GGACT: variants seen among roughly 807,000 people sequenced by gnomAD.
GGACT encodes gamma-glutamylaminecyclotransferase.
For missense variants in GGACT, 241 were observed against 233.2 expected (o/e 1.03, Z -0.22); for synonymous variants, 118 against 115.3 (o/e 1.02, Z -0.15).
At chr13:100,583,322 A>G (rs1200042259) in intron 2 of GGACT, among the ~76,000 whole-genome samples, 1 of 152,250 alleles carries the variant, frequency 6.6e-6, no homozygotes, top group East Asian at 1.9e-4. Flanking sequence ...TTAAGTACAT[A>G]AAATTAAAAT....
intron 2 of GGACT, chr13:100,539,592 G>C (rs1250951503): frequency 1.8e-5 from 7 of 397,938 alleles, no homozygotes; most frequent in Non-Finnish European, 3.1e-5. Context: ...ATGTGTTGTT[G>C]AATTCTGTTT....
intron 1 of GGACT, among the ~76,000 whole-genome samples, chr13:100,586,144 A>G (rs1875567010): frequency 6.6e-6 from 1 of 152,170 alleles, no homozygotes. Flanking sequence ...CAATTTCATC[A>G]GGAGGTGATA....
chr13:100,569,156 A>T (rs1379374365), intron 2 of GGACT, among the ~76,000 whole-genome samples: 1 of 152,092 alleles, frequency 6.6e-6, no homozygotes, highest in Non-Finnish European at 1.5e-5. Flanking sequence ...AGTGTGAAGG[A>T]CCCTTTTCCC....
intron 2 of GGACT, among the ~76,000 whole-genome samples, chr13:100,557,773 A>C (rs2088722227): frequency 6.6e-6 from 1 of 152,220 alleles, no homozygotes; most frequent in Non-Finnish European, 1.5e-5. Context: ...GTAAATGAAA[A>C]GGCAAATGTA....
At chr13:100,550,299 T>TACACACACACACAC (rs755235689) in intron 2 of GGACT, among the ~76,000 whole-genome samples, 2 of 27,268 alleles carry the variant, frequency 7.3e-5, no homozygotes, top group Non-Finnish European at 1.3e-4. Context: ...GATTATACTC[T>TACACACACACACAC]ACACACACAC....
intron 2 of GGACT, 86 bp from the exon 3 acceptor site, chr13:100,532,687 T>C (rs1455541715): frequency 9.2e-7 from 1 of 1,083,926 alleles, no homozygotes. Flanking sequence ...CCACAGAGCC[T>C]CCACTGGGGC....
At chr13:100,533,123 C>A (rs965482568) in intron 2 of GGACT, among the ~76,000 whole-genome samples, 2 of 152,248 alleles carry the variant, frequency 1.3e-5, no homozygotes, top group African/African-American at 4.8e-5. Flanking sequence ...CGCAGCCTCC[C>A]CGACTCCCTG....
At chr13:100,584,343 G>C (rs1425452017) in intron 1 of GGACT, among the ~76,000 whole-genome samples, 1 of 152,148 alleles carries the variant, frequency 6.6e-6, no homozygotes, top group African/African-American at 2.4e-5. Flanking sequence ...TGCAGCCGGA[G>C]GTCGTTATGT....
chr13:100,561,509 C>A (rs2088759708), intron 2 of GGACT, among the ~76,000 whole-genome samples: 1 of 151,342 alleles, frequency 6.6e-6, no homozygotes, highest in Admixed American at 6.6e-5. Context: ...TGTCTTCCCA[C>A]AGAAGGCTTT....
chr13:100,581,669 A>T (rs1875421247), intron 2 of GGACT, among the ~76,000 whole-genome samples: 1 of 152,228 alleles, frequency 6.6e-6, no homozygotes, highest in Non-Finnish European at 1.5e-5. Flanking sequence ...CAGGCTGCTC[A>T]CTGTGACTTC....
chr13:100,559,298 C>A (rs185466885), intron 2 of GGACT, among the ~76,000 whole-genome samples: 1 of 152,004 alleles, frequency 6.6e-6, no homozygotes, highest in East Asian at 2.0e-4. Context: ...AGCGATTCTC[C>A]TGCCTCAGCC....
chr13:100,564,262 G>A (rs896854091), intron 2 of GGACT, among the ~76,000 whole-genome samples: 1 of 152,202 alleles, frequency 6.6e-6, no homozygotes, highest in African/African-American at 2.4e-5. Flanking sequence ...GTTTTACAGT[G>A]ATGCTCTCGA....
At chr13:100,584,600 C>T (rs1875511288) in intron 1 of GGACT, among the ~76,000 whole-genome samples, 2 of 151,932 alleles carry the variant, frequency 1.3e-5, no homozygotes, top group African/African-American at 4.8e-5. Flanking sequence ...AATAATGTAA[C>T]TATACATTTA....
rs374853924 is a variant in GGACT at position 100,534,724 on chromosome 13, C to T, written c.-10-2123G>A. On this transcript the variant is annotated intron_variant, in intron 2 of 2. Transcript: ENST00000683975. This position sits in a 1 kb window ranked among gnomAD's most constrained non-coding sequence, Gnocchi z 4.9. ...AGACCCATCAGCACTTCCCCTGCCA[C>T]GTCTCCCAACCTGCTCTCCTCCTCC... Among the ~76,000 whole-genome samples, 3 of 152,288 alleles carry T rather than the reference C, an allele frequency of 2.0e-5. No individual in the cohort carries two copies. Among genetic ancestry groups the T allele is most frequent in the Non-Finnish European group, 2.9e-5 (2 of 68,020 alleles).
chr13:100,547,644 A>G (rs1324184670), intron 2 of GGACT, among the ~76,000 whole-genome samples: 2 of 152,356 alleles, frequency 1.3e-5, no homozygotes, highest in East Asian at 3.9e-4. Context: ...ACAAGTACCC[A>G]AGTCTGTCCA....
chr13:100,532,529 C>T lies in GGACT; in HGVS notation c.63G>A (p.Arg21=). 6.5e-7 allele frequency: 1 copy of T among 1,548,112 alleles called. No homozygotes were observed. The highest frequency in any genetic ancestry group is 8.7e-7 in the Non-Finnish European group (1 of 1,145,670). ...KRGQPNHRVL[R]DGAHGSAAFR... ...AGGCTGCGGAGCCGTGGGCGCCGTCCCGCAGGACCCTGTGGTTGGGCTGAC... is the reference window on the plus strand; with the variant it reads ...AGGCTGCGGAGCCGTGGGCGCCGTCTCGCAGGACCCTGTGGTTGGGCTGAC... The change falls in exon 3 of 3, where the codon CGG becomes CGA. Residue 21 remains arginine, a synonymous_variant. Coordinates refer to ENST00000683975, the MANE Select transcript of GGACT (RefSeq NM_001195087.2).
intron 2 of GGACT, among the ~76,000 whole-genome samples, chr13:100,582,252 T>G (rs1294580645): frequency 6.6e-6 from 1 of 152,180 alleles, no homozygotes; most frequent in African/African-American, 2.4e-5. Context: ...TAACTTCCTC[T>G]TACTGTTGGG....
chr13:100,581,219 C>T (rs1875407843), intron 2 of GGACT, among the ~76,000 whole-genome samples: 1 of 152,202 alleles, frequency 6.6e-6, no homozygotes, highest in South Asian at 2.1e-4. Context: ...AATGAGCACA[C>T]CAGCATCCAG....
intron 2 of GGACT, among the ~76,000 whole-genome samples, chr13:100,535,529 G>T (rs2088478911): frequency 1.3e-5 from 2 of 152,126 alleles, no homozygotes; most frequent in Admixed American, 1.3e-4. Context: ...ACCGCGGTGG[G>T]TACCAACACA....
Sources: allele counts gnomAD v4.1 joint callset (sites outside exome capture counted in the v4.1 genomes callset), GRCh38; gene constraint gnomAD v4.1.1; non-coding constraint Gnocchi (gnomAD v3.1); transcripts MANE v1.5; gene names NCBI Gene and HGNC (gene_info 2026-07-23, HGNC 2026-07-21).